DIAPH2: variants seen among roughly 807,000 people sequenced by gnomAD.
DIAPH2 encodes diaphanous related formin 2.
In DIAPH2, 35 loss-of-function variants were observed where a neutral mutation model predicts 92.7. The observed-to-expected ratio is 0.38, with a 90% confidence interval of 0.29 to 0.50. The LOEUF (loss-of-function observed/expected upper bound fraction) is 0.50. Among genes scored for constraint, DIAPH2 ranks in the 20% least tolerant of loss-of-function variants. The pLI is 0.94. For missense variants in DIAPH2, 701 were observed against 819.5 expected, an observed-to-expected ratio of 0.86 and a Z score of 1.77; for synonymous variants, 301 against 280.4, an observed-to-expected ratio of 1.07 and a Z score of -0.73.
intron 23 of DIAPH2, among the ~76,000 whole-genome samples, chrX:97,318,482 C>CTTTTTTTTTTTTTTTTTTTTTTT (rs745350367): frequency 2.2e-5 from 1 of 46,326 alleles, no homozygotes; most frequent in African/African-American, 9.1e-5. Context: ...TTTTTCTTTA[C>CTTTTTTTTTTTTTTTTTTTTTTT]TTTTTTTTTT....
At chrX:97,577,568 G>A (rs973827324) in intron 26 of DIAPH2, among the ~76,000 whole-genome samples, 4 of 111,702 alleles carry the variant, frequency 3.6e-5, no homozygotes, top group South Asian at 3.8e-4. Context: ...ATTTGAGTTG[G>A]GCTTTGAAGG....
intron 22 of DIAPH2, among the ~76,000 whole-genome samples, chrX:97,209,990 A>G (rs2067827485): frequency 9.0e-6 from 1 of 111,415 alleles, no homozygotes; most frequent in African/African-American, 3.2e-5. Flanking sequence ...ATAAAACCTT[A>G]GCTTTCAAAG....
rs112250011 is a variant in DIAPH2 at position 96,782,595 on chromosome X, G to A, written c.447+24337G>A. Among the ~76,000 whole-genome samples the A allele has an allele frequency of 7.9e-3, 873 of 111,106 alleles. 7 individuals are homozygous for A. Among genetic ancestry groups the A allele is most frequent in the African/African-American group, 0.027 (829 of 30,594 alleles). On this transcript the variant is annotated intron_variant, in intron 4 of 26. Coordinates refer to ENST00000324765, the MANE Select transcript of DIAPH2 (RefSeq NM_006729.5). ...ATTACAGGCGTGAGCCACCGCGCCCGGCCTTGTTTTGTGTGTTTTGTAGAG... is the reference window on the plus strand; with the variant it reads ...ATTACAGGCGTGAGCCACCGCGCCCAGCCTTGTTTTGTGTGTTTTGTAGAG...
chrX:97,446,736 T>A (rs1218170391), intron 26 of DIAPH2, among the ~76,000 whole-genome samples: 1 of 110,522 alleles, frequency 9.0e-6, no homozygotes, highest in African/African-American at 3.3e-5. Context: ...GTGGTTTTTT[T>A]AAACCAAATC....
rs544047860 is a variant in DIAPH2 at position 97,003,052 on chromosome X, T to G, written c.2050+37845T>G. On this transcript the variant is annotated intron_variant, in intron 17 of 26. Transcript: ENST00000324765. ...TAAGTGAGAATATGTGAAGTTTCTC[T>G]TTCTGTGCCTGGCTTATTTCGCTCC... is the stretch of plus-strand genomic sequence containing the variant. Among the ~76,000 whole-genome samples, 6 of 112,070 alleles carry G rather than the reference T, an allele frequency of 5.4e-5. No homozygotes were observed. In the South Asian group the frequency reaches 1.5e-3, roughly 28 times the overall value.
chrX:96,981,168 A>G (rs981425312), intron 17 of DIAPH2, among the ~76,000 whole-genome samples: 4 of 108,911 alleles, frequency 3.7e-5, no homozygotes, highest in African/African-American at 1.3e-4. Flanking sequence ...AGTGAACCCT[A>G]TCTCGGGAAA....
chrX:97,470,988 TG>T (rs759657503), intron 26 of DIAPH2, among the ~76,000 whole-genome samples: 729 of 111,946 alleles, frequency 6.5e-3, no homozygotes, highest in Admixed American at 0.015. Context: ...GGAAATGAAC[TG>T]AGAAAAAGCA....
intron 23 of DIAPH2, among the ~76,000 whole-genome samples, chrX:97,260,301 G>A (rs1254458389): frequency 8.9e-6 from 1 of 112,776 alleles, no homozygotes; most frequent in Admixed American, 9.4e-5. Context: ...TGCTAAAAGA[G>A]ATAGACATTC....
At chrX:97,402,221 T>TGTGA (rs2147750536) in intron 25 of DIAPH2, among the ~76,000 whole-genome samples, 1 of 110,346 alleles carries the variant, frequency 9.1e-6, no homozygotes, top group East Asian at 2.9e-4. Flanking sequence ...TGTGTGTGTG[T>TGTGA]GTGTGTGTGT....
chrX:97,357,073 C>T (rs769524245), intron 24 of DIAPH2, among the ~76,000 whole-genome samples: 1 of 111,550 alleles, frequency 9.0e-6, no homozygotes, highest in African/African-American at 3.3e-5. Flanking sequence ...GCAACAACGC[C>T]TCATGCAGAA....
intron 22 of DIAPH2, among the ~76,000 whole-genome samples, chrX:97,156,576 T>A (rs771077806): frequency 1.8e-5 from 2 of 111,757 alleles, no homozygotes; most frequent in Non-Finnish European, 3.8e-5. Context: ...CTCCCTTTTA[T>A]TAACAGTGGC....
At chrX:96,806,826 C>T (rs1263920844) in intron 4 of DIAPH2, among the ~76,000 whole-genome samples, 1 of 106,048 alleles carries the variant, frequency 9.4e-6, no homozygotes, top group African/African-American at 3.4e-5. Context: ...CTGCAAGCTC[C>T]GCCTCCCGGG....
At chrX:97,467,011 G>T (rs1327070571) in intron 26 of DIAPH2, among the ~76,000 whole-genome samples, 2 of 112,128 alleles carry the variant, frequency 1.8e-5, no homozygotes, top group East Asian at 2.8e-4. Flanking sequence ...CTTCATTTCT[G>T]TGGTTACTTT....
At chrX:96,789,637 T>C (rs2064484797) in intron 4 of DIAPH2, among the ~76,000 whole-genome samples, 1 of 112,109 alleles carries the variant, frequency 8.9e-6, no homozygotes. Flanking sequence ...AGGTTTCTTT[T>C]CTTTGTTAGA....
chrX:96,878,003 T>C (rs1189703925), intron 4 of DIAPH2, among the ~76,000 whole-genome samples: 1 of 112,063 alleles, frequency 8.9e-6, no homozygotes, highest in Non-Finnish European at 1.9e-5. Context: ...ATTAATCTCA[T>C]ACAGAGCAGC....
At chrX:97,139,387 G>A (rs2147406897) in intron 21 of DIAPH2, among the ~76,000 whole-genome samples, 1 of 106,722 alleles carries the variant, frequency 9.4e-6, no homozygotes, top group East Asian at 2.9e-4. Flanking sequence ...AGGTTTAAAA[G>A]ACCACCCATT....
intron 17 of DIAPH2, among the ~76,000 whole-genome samples, chrX:97,000,500 T>A (rs981168389): frequency 1.8e-5 from 2 of 110,465 alleles, no homozygotes; most frequent in African/African-American, 6.6e-5. Flanking sequence ...TTTATAATAT[T>A]TGCCCATGTG....
intron 23 of DIAPH2, among the ~76,000 whole-genome samples, chrX:97,331,606 G>T (rs1165964817): frequency 1.8e-5 from 2 of 112,030 alleles, no homozygotes; most frequent in African/African-American, 6.5e-5. Flanking sequence ...CCAGAGTTGG[G>T]CTATTACCTA....
intron 26 of DIAPH2, among the ~76,000 whole-genome samples, chrX:97,552,067 G>A (rs2071223729): frequency 9.0e-6 from 1 of 111,683 alleles, no homozygotes; most frequent in South Asian, 3.8e-4. Flanking sequence ...CTAAGACTCT[G>A]CGAGCCTTAG....
Sources: allele counts gnomAD v4.1 joint callset (sites outside exome capture counted in the v4.1 genomes callset), GRCh38; gene constraint gnomAD v4.1.1; transcripts MANE v1.5; gene names NCBI Gene and HGNC (gene_info 2026-07-23, HGNC 2026-07-21).